FSHR: variants seen among roughly 807,000 people sequenced by gnomAD.
FSHR encodes the protein follicle-stimulating hormone receptor.
In FSHR, 46 loss-of-function variants were observed where a neutral mutation model predicts 52.1. The observed-to-expected ratio is 0.88, with a 90% CI of 0.70 to 1.13. FSHR has a LOEUF of 1.13. FSHR is among the 50% of genes most tolerant of loss of function. FSHR has a pLI of 0.00. For missense variants in FSHR, 964 were observed against 834.6 expected, an observed-to-expected ratio of 1.16 and a Z score of -1.91; for synonymous variants, 399 against 309.6, an observed-to-expected ratio of 1.29 and a Z score of -3.03.
At chr2:48,991,536 C>T (rs1461943976) in intron 4 of FSHR, among the ~76,000 whole-genome samples, 2 of 152,122 alleles carry the variant, frequency 1.3e-5, no homozygotes, top group Non-Finnish European at 2.9e-5. Flanking sequence ...TTATGGCTTG[C>T]ACATTTGTGA....
At chr2:49,076,416 G>A (rs1228865240) in intron 1 of FSHR, among the ~76,000 whole-genome samples, 6 of 152,062 alleles carry the variant, frequency 3.9e-5, no homozygotes, top group Admixed American at 6.6e-5. Context: ...AGTCACTATC[G>A]TGAAAACAGC....
At chr2:49,080,033 G>A (rs1274484851) in intron 1 of FSHR, among the ~76,000 whole-genome samples, 1 of 151,938 alleles carries the variant, frequency 6.6e-6, no homozygotes, top group Non-Finnish European at 1.5e-5. Flanking sequence ...AGAAAAATTG[G>A]CAAAAGATAT....
chr2:49,081,972 C>G (rs1258784491), intron 1 of FSHR, among the ~76,000 whole-genome samples: 1 of 152,192 alleles, frequency 6.6e-6, no homozygotes, highest in Non-Finnish European at 1.5e-5. Context: ...ATACTGGGTT[C>G]TGTGTTCTTT....
chr2:49,058,602 A>T (rs371163932), intron 2 of FSHR, among the ~76,000 whole-genome samples: 14 of 152,196 alleles, frequency 9.2e-5, no homozygotes, highest in Non-Finnish European at 1.9e-4. Flanking sequence ...AATTCAGTAA[A>T]GTTGAAAGAT....
intron 1 of FSHR, among the ~76,000 whole-genome samples, chr2:49,069,833 G>A (rs537531785): frequency 3.3e-5 from 5 of 152,146 alleles, no homozygotes; most frequent in African/African-American, 9.6e-5. Flanking sequence ...TCTTTAACAC[G>A]TCCTTTTACA....
At chr2:49,128,338 G>T (rs1366161222) in intron 1 of FSHR, among the ~76,000 whole-genome samples, 2 of 152,040 alleles carry the variant, frequency 1.3e-5, no homozygotes, top group Admixed American at 1.3e-4. Flanking sequence ...ATTTATAACT[G>T]ATATCACACA....
chr2:49,049,124 G>A (rs762399185), intron 2 of FSHR, among the ~76,000 whole-genome samples: 1 of 151,616 alleles, frequency 6.6e-6, no homozygotes, highest in Non-Finnish European at 1.5e-5. Flanking sequence ...TTTAACTCGA[G>A]TATTATGCTG....
At chr2:49,042,545 C>G (rs1250474088) in intron 2 of FSHR, among the ~76,000 whole-genome samples, 1 of 152,164 alleles carries the variant, frequency 6.6e-6, no homozygotes, top group African/African-American at 2.4e-5. Context: ...ATATTTTCTC[C>G]TCTATACAGG....
intron 3 of FSHR, 45 bp downstream of exon 3, chr2:49,020,041 T>A (rs374642025): frequency 2.6e-6 from 4 of 1,540,838 alleles, no homozygotes; most frequent in Non-Finnish European, 3.6e-6. Context: ...TTTAAGGGTT[T>A]TTTCAAGAAT....
chr2:48,968,243 G>C lies in FSHR; in HGVS notation c.854+455C>G, dbSNP rs866850173. Among the ~76,000 whole-genome samples the C allele has an allele frequency of 5.9e-5, 9 of 152,318 alleles. No individual in the cohort carries two copies. The South Asian group carries it at 6.2e-4, about 11-fold the overall frequency. On this transcript the variant is annotated intron_variant, in intron 9 of 9. Coordinates refer to ENST00000406846, the MANE Select transcript of FSHR (RefSeq NM_000145.4). ...TCCCAAGGTGGATTAGAGAGGCTTA[G>C]AGTGATTGGGATGTGCGGCAGATAT...
intron 9 of FSHR, among the ~76,000 whole-genome samples, chr2:48,967,681 G>A (rs571033504): frequency 6.6e-6 from 1 of 152,306 alleles, no homozygotes; most frequent in East Asian, 1.9e-4. Context: ...GGTCTGAGTA[G>A]GGACTTCCAG....
chr2:49,021,036 T>G lies in FSHR; in HGVS notation c.225-876A>C, dbSNP rs545081572. 7.9e-4 allele frequency among the ~76,000 whole-genome samples: 120 copies of G among 152,258 alleles called. 1 individual carries two copies. The highest frequency in any genetic ancestry group is 2.8e-3 in the African/African-American group (117 of 41,548). On this transcript the variant is annotated intron_variant, in intron 2 of 9. Coordinates refer to ENST00000406846, the MANE Select transcript of FSHR (RefSeq NM_000145.4). Reference sequence around the variant, plus strand: ...GGTTGATAGGTGCAGCAAACCACCATGACACACATTTACCTATTTAACAAA... The same window carrying G: ...GGTTGATAGGTGCAGCAAACCACCAGGACACACATTTACCTATTTAACAAA...
intron 4 of FSHR, among the ~76,000 whole-genome samples, chr2:49,016,273 T>A: frequency 6.6e-6 from 1 of 152,220 alleles, no homozygotes; most frequent in Non-Finnish European, 1.5e-5. Flanking sequence ...ATGGCTTCAA[T>A]TCTGTATCCT....
chr2:49,083,813 C>T (rs906921822), intron 1 of FSHR, among the ~76,000 whole-genome samples: 5 of 146,602 alleles, frequency 3.4e-5, no homozygotes, highest in Middle Eastern at 6.8e-3. Context: ...AATATATATG[C>T]ACCCAATACA....
intron 1 of FSHR, among the ~76,000 whole-genome samples, chr2:49,127,860 TTC>T (rs1672106712): frequency 2.6e-5 from 1 of 38,390 alleles, no homozygotes; most frequent in African/African-American, 2.3e-4. Flanking sequence ...CTTCTTCTTC[TTC>T]TTCTTCTTCT....
At chr2:49,136,959 C>T (rs770539014) in intron 1 of FSHR, among the ~76,000 whole-genome samples, 28 of 152,056 alleles carry the variant, frequency 1.8e-4, no homozygotes, top group Non-Finnish European at 2.5e-4. Context: ...ACCAAGACAA[C>T]GATGTGCACT....
intron 4 of FSHR, among the ~76,000 whole-genome samples, chr2:48,996,453 C>G (rs1000121352): frequency 6.6e-5 from 10 of 152,236 alleles, no homozygotes; most frequent in African/African-American, 2.4e-4. Flanking sequence ...GATCAATATA[C>G]AACCATGTTT....
chr2:49,110,479 A>T (rs1272032428), intron 1 of FSHR, among the ~76,000 whole-genome samples: 1 of 152,194 alleles, frequency 6.6e-6, no homozygotes, highest in Non-Finnish European at 1.5e-5. Context: ...CCGATATTCC[A>T]TAAAAGTAAA....
At chr2:49,021,882 T>TAGAGAGAGAG in intron 2 of FSHR, among the ~76,000 whole-genome samples, 1 of 43,922 alleles carries the variant, frequency 2.3e-5, no homozygotes, top group African/African-American at 8.0e-5. Context: ...TATATATATA[T>TAGAGAGAGAG]ATATAGAGAG....
Sources: allele counts gnomAD v4.1 joint callset (sites outside exome capture counted in the v4.1 genomes callset), GRCh38; gene constraint gnomAD v4.1.1; transcripts MANE v1.5; gene names NCBI Gene and HGNC (gene_info 2026-07-23, HGNC 2026-07-21).